ZZEF1: variants seen among roughly 807,000 people sequenced by gnomAD.
The protein encoded by ZZEF1 is zinc finger ZZ-type and EF-hand domain-containing protein 1.
In ZZEF1, 157 loss-of-function variants were observed where a neutral mutation model predicts 342.8. The observed-to-expected ratio is 0.46, with a 90% CI of 0.40 to 0.52. The LOEUF (loss-of-function observed/expected upper bound fraction) is 0.52. Among genes scored for constraint, ZZEF1 ranks in the 20% least tolerant of loss-of-function variants. The pLI is 0.00. For synonymous variants in ZZEF1, 1,505 were observed against 1,429.1 expected (o/e 1.05, Z -1.20); for missense variants, 3,480 against 3,725.6 (o/e 0.93, Z 1.72).
intron 23 of ZZEF1, among the ~76,000 whole-genome samples, 156 bp from the exon 24 acceptor site, chr17:4,074,507 G>A (rs1035318845): frequency 6.6e-6 from 1 of 152,146 alleles, no homozygotes; most frequent in Admixed American, 6.5e-5. Flanking sequence ...AAGGGGTGAC[G>A]GAAACAGACC....
At position 4,021,318 on chromosome 17, in the gene ZZEF1, A is replaced by T; in HGVS notation, c.7215T>A (p.Ile2405=). The change falls in exon 45 of 55, where the codon ATT becomes ATA. Residue 2405 remains isoleucine (I), a splice_region_variant and synonymous_variant. Coordinates refer to ENST00000381638, the MANE Select transcript of ZZEF1 (RefSeq NM_015113.4). The part of the protein sequence containing the change: ...SKTWLLRDLE[I]LSIMLYSSKK... ...TTGAGGAGTACAGCATGATGGACAAAATCTACACAGAAAGAAAATCCAGCT... is the reference window on the plus strand; with the variant it reads ...TTGAGGAGTACAGCATGATGGACAATATCTACACAGAAAGAAAATCCAGCT... The T allele has an allele frequency of 6.3e-7, 1 of 1,583,696 alleles. No homozygotes were observed. The highest frequency in any genetic ancestry group is 1.1e-5 in the South Asian group (1 of 87,326).
chr17:4,088,191 T>C (rs2057875673), intron 13 of ZZEF1, among the ~76,000 whole-genome samples: 1 of 152,090 alleles, frequency 6.6e-6, no homozygotes, highest in Admixed American at 6.5e-5. Flanking sequence ...TTCCTTTGAG[T>C]GAGTTGTCAC....
intron 21 of ZZEF1, chr17:4,076,396 G>A (rs1248261537): frequency 1.6e-5 from 5 of 307,704 alleles, no homozygotes; most frequent in East Asian, 5.8e-5. Flanking sequence ...GCCTCCCAAA[G>A]TGCTGGGATT....
chr17:4,051,129 T>C lies in ZZEF1; in HGVS notation c.5601-86A>G, dbSNP rs1343224165. ...AGGAGCACAGGGCCTTAGGAGAGCATGTGGTCGCAACTGGGCATTAGTCAC... is the reference window on the plus strand; with the variant it reads ...AGGAGCACAGGGCCTTAGGAGAGCACGTGGTCGCAACTGGGCATTAGTCAC... On this transcript the variant is annotated intron_variant, in intron 35 of 54. Transcript: ENST00000381638. The C allele has an allele frequency of 3.1e-6, 5 of 1,595,138 alleles. No homozygotes were observed. In the South Asian group the frequency reaches 5.5e-5, roughly 18 times the overall value.
At chr17:4,034,555 T>C (rs907595508) in intron 39 of ZZEF1, among the ~76,000 whole-genome samples, 24 of 152,158 alleles carry the variant, frequency 1.6e-4, no homozygotes, top group Non-Finnish European at 2.5e-4. Context: ...AAAATGTCCA[T>C]TGTAAAATAA....
intron 28 of ZZEF1, 97 bp downstream of exon 28, chr17:4,066,350 C>G: frequency 2.9e-6 from 3 of 1,044,048 alleles, no homozygotes; most frequent in Non-Finnish European, 4.5e-6. Context: ...TCAACACAGC[C>G]TCAATTAAGA....
rs1008313861 is a variant in ZZEF1 at position 4,050,724 on chromosome 17, G to A, written c.5863+57C>T. On this transcript the variant is annotated intron_variant, in intron 36 of 54. Coordinates refer to ENST00000381638, the MANE Select transcript of ZZEF1 (RefSeq NM_015113.4). ...AGCTTAGTATTTTACATTTGCCAAG[G>A]CTTTTTTTCACCAGCAACTGAGGGC... is the stretch of plus-strand genomic sequence containing the variant. 5 of 1,605,410 alleles carry A rather than the reference G, an allele frequency of 3.1e-6. No homozygotes were observed. The South Asian group carries it at 4.4e-5, about 14-fold the overall frequency.
At chr17:4,110,528 A>G (rs1159704347) in intron 5 of ZZEF1, among the ~76,000 whole-genome samples, 1 of 152,194 alleles carries the variant, frequency 6.6e-6, no homozygotes, top group African/African-American at 2.4e-5. Context: ...TTGGCCCAGG[A>G]AAGCATTAGA....
intron 42 of ZZEF1, among the ~76,000 whole-genome samples, chr17:4,026,236 A>C (rs2056400146): frequency 6.6e-6 from 1 of 152,208 alleles, no homozygotes; most frequent in South Asian, 2.1e-4. Flanking sequence ...GTGAGAGTGG[A>C]AGTGTCCTAG....
intron 26 of ZZEF1, among the ~76,000 whole-genome samples, chr17:4,070,131 C>A (rs1047558552): frequency 3.3e-5 from 5 of 152,180 alleles, no homozygotes; most frequent in Non-Finnish European, 5.9e-5. Context: ...AGAAGGTTAT[C>A]AGCAAAGGAA....
At chr17:4,041,843 T>C (rs1331533184) in intron 39 of ZZEF1, among the ~76,000 whole-genome samples, 1 of 152,030 alleles carries the variant, frequency 6.6e-6, no homozygotes, top group Admixed American at 6.6e-5. Context: ...AAAGTCAGCA[T>C]GACATCTAAA....
At chr17:4,092,399 A>G (rs1382941433) in intron 11 of ZZEF1, among the ~76,000 whole-genome samples, 2 of 151,066 alleles carry the variant, frequency 1.3e-5, no homozygotes, top group East Asian at 2.0e-4. Context: ...CCCAGGTTCA[A>G]AAGATTCACC....
At chr17:4,039,800 C>G (rs182533546) in intron 39 of ZZEF1, among the ~76,000 whole-genome samples, 1 of 151,712 alleles carries the variant, frequency 6.6e-6, no homozygotes, top group Non-Finnish European at 1.5e-5. Flanking sequence ...CCCGCCACCA[C>G]GCCTGGCTAA....
intron 23 of ZZEF1, 27 bp downstream of exon 23, chr17:4,075,070 G>C (rs2057584110): frequency 3.1e-6 from 5 of 1,611,792 alleles, no homozygotes; most frequent in Admixed American, 1.7e-5. Context: ...GCAGAAGTAG[G>C]TACCTCTTTC....
intron 32 of ZZEF1, among the ~76,000 whole-genome samples, chr17:4,057,073 G>A (rs1443662671): frequency 6.6e-6 from 1 of 152,176 alleles, no homozygotes; most frequent in Admixed American, 6.5e-5. Flanking sequence ...GCATTCCAAC[G>A]AAATGGTTTT....
Position 4,062,791 on chromosome 17 carries a change from G to T in ZZEF1, c.4845C>A (p.Phe1615Leu), listed in dbSNP as rs1293001718. Residue 1615 changes from phenylalanine to leucine, a missense_variant, in exon 30 of 55, where the codon TTC (phenylalanine) becomes TTA (leucine). Phe to Leu is a conservative substitution (Grantham distance 22, BLOSUM62 0). This residue lies in a region of ZZEF1 where 1,528 missense variants were observed against 1,624.1 expected (regional missense o/e 0.94). Transcript: ENST00000381638. ...TCTGACAGGTCAGAAGTTCCAACAG[G>T]AAAAGTATGAAAGGTGGATGGAAGC... ...PHCFHPPFIL[F>L]LLELLTCQKD... 1.9e-6 allele frequency: 3 copies of T among 1,612,050 alleles called. No homozygotes were observed. Among genetic ancestry groups the T allele is most frequent in the Non-Finnish European group, 2.5e-6 (3 of 1,178,968 alleles).
chr17:4,072,850 G>C (rs368729120), intron 24 of ZZEF1, 94 bp from the exon 25 acceptor site: 1 of 1,301,800 alleles, frequency 7.7e-7, no homozygotes, highest in East Asian at 2.4e-5. Flanking sequence ...AAAAACCATG[G>C]ATACTATTAA....
chr17:4,035,758 G>A (rs2056647086), intron 39 of ZZEF1, among the ~76,000 whole-genome samples: 1 of 152,168 alleles, frequency 6.6e-6, no homozygotes, highest in Non-Finnish European at 1.5e-5. Context: ...TTGCGGGTGA[G>A]GGTCGTCTCA....
chr17:4,022,213 T>C (rs1166566791), intron 44 of ZZEF1, among the ~76,000 whole-genome samples: 2 of 152,130 alleles, frequency 1.3e-5, no homozygotes, highest in Admixed American at 6.6e-5. Flanking sequence ...TCCTACATGA[T>C]GGCAGCCTTT....
Sources: allele counts gnomAD v4.1 joint callset (sites outside exome capture counted in the v4.1 genomes callset), GRCh38; gene constraint gnomAD v4.1.1; regional missense constraint gnomAD v4.1.1; transcripts MANE v1.5; gene names NCBI Gene and HGNC (gene_info 2026-07-23, HGNC 2026-07-21).